The following MIIP variants were observed in gnomAD, a reference collection of about 807,000 sequenced individuals.
The protein encoded by MIIP is migration and invasion-inhibitory protein.
Under a neutral mutation model 44.8 loss-of-function variants are expected in MIIP, and 44 were observed. The ratio of observed to expected loss-of-function variants is 0.98; its 90% CI spans 0.77 to 1.26. The LOEUF is 1.26. Among genes scored for constraint, MIIP ranks in the 50% most tolerant of loss-of-function variants. The pLI is 0.00. For missense variants in MIIP, 496 were observed against 511.7 expected, an observed-to-expected ratio of 0.97 and a Z score of 0.30; for synonymous variants, 225 against 218.3, an observed-to-expected ratio of 1.03 and a Z score of -0.27.
chr1:12,021,517 T>G, intron 1 of MIIP, 128 bp from the exon 2 acceptor site: 1 of 572,940 alleles, frequency 1.7e-6, no homozygotes. Context: ...GTCCAGCAGA[T>G]GAGGAAACTG....
intron 8 of MIIP, 161 bp from the exon 9 acceptor site, chr1:12,031,105 A>C (rs985193282): frequency 1.2e-5 from 10 of 833,286 alleles, no homozygotes; most frequent in African/African-American, 1.7e-5. Flanking sequence ...TGCCAGGATA[A>C]GAAAGGGGAG....
rs774187172 is a variant in MIIP at position 12,030,024 on chromosome 1, G to T, written c.846-4G>T. The T allele has an allele frequency of 1.2e-6, 2 of 1,613,308 alleles. No individual in the cohort carries two copies. The highest frequency in any genetic ancestry group is 1.7e-6 in the Non-Finnish European group (2 of 1,179,772). Reference sequence around the variant, plus strand: ...CAGGGGTCCCCCACTGCCCCCCTGCGCAGGGTGAGCATCCCGCTGTCGATC... The same window carrying T: ...CAGGGGTCCCCCACTGCCCCCCTGCTCAGGGTGAGCATCCCGCTGTCGATC... On this transcript the variant is annotated splice_region_variant and splice_polypyrimidine_tract_variant and intron_variant, in intron 7 of 9. Coordinates refer to ENST00000235332, the MANE Select transcript of MIIP (RefSeq NM_021933.4).
rs1444257764 is a variant in MIIP, at chr1:12,021,799, C to T, written c.73C>T (p.Gln25Ter). The T allele has an allele frequency of 6.2e-7, 1 of 1,612,474 alleles. No individual in the cohort carries two copies. The highest frequency in any genetic ancestry group is 8.5e-7 in the Non-Finnish European group (1 of 1,179,910). The change falls in exon 2 of 10, where the codon CAG becomes TAG. Residue 25 changes from glutamine (Q) to a stop codon, truncating the protein, a stop_gained. Transcript: ENST00000235332. LOFTEE classifies it high-confidence loss of function. ...LELLRQLWVGQDAVRRSVARA... is the reference protein window; with the variant it reads ...LELLRQLWVG ...GCTCCTGAGGCAGCTGTGGGTGGGGCAGGATGCTGTGCGGCGGTCAGTGGC... is the reference window on the plus strand; with the variant it reads ...GCTCCTGAGGCAGCTGTGGGTGGGGTAGGATGCTGTGCGGCGGTCAGTGGC...
At chr1:12,021,900 C>G (rs1397420441) in intron 2 of MIIP, 60 bp downstream of exon 2, 58 of 1,422,340 alleles carry the variant, frequency 4.1e-5, no homozygotes, top group Non-Finnish European at 5.5e-5. Context: ...GGCCAGCATC[C>G]AGGCTTCTGG....
intron 4 of MIIP, among the ~76,000 whole-genome samples, chr1:12,026,824 C>T (rs1281594744): frequency 6.6e-6 from 1 of 152,190 alleles, no homozygotes; most frequent in African/African-American, 2.4e-5. Context: ...TTACCAGCAG[C>T]TCACATCCAG....
chr1:12,023,032 C>G (rs886268351), intron 4 of MIIP, 115 bp downstream of exon 4: 1 of 730,684 alleles, frequency 1.4e-6, no homozygotes, highest in Non-Finnish European at 2.3e-6. Context: ...TTTCTCTGAC[C>G]GTGCCATCCT....
At chr1:12,020,979 C>G (rs1639961406) in intron 1 of MIIP, among the ~76,000 whole-genome samples, 1 of 152,138 alleles carries the variant, frequency 6.6e-6, no homozygotes, top group Non-Finnish European at 1.5e-5. Flanking sequence ...AGCCACTTGG[C>G]CTGTTTTTTG....
chr1:12,023,059 C>CTTTT (rs869060053), intron 4 of MIIP, 142 bp downstream of exon 4: 146 of 353,008 alleles, frequency 4.1e-4, no homozygotes, highest in African/African-American at 5.2e-4. Flanking sequence ...GGAGCACCCT[C>CTTTT]TTTTTTTTTT....
At chr1:12,027,149 C>T (rs1464837386) in intron 4 of MIIP, among the ~76,000 whole-genome samples, 6 of 152,014 alleles carry the variant, frequency 3.9e-5, no homozygotes, top group African/African-American at 1.4e-4. Context: ...GCTGGGATTA[C>T]AGGCATGCAC....
chr1:12,031,430 G>A, intron 9 of MIIP, 27 bp downstream of exon 9: 1 of 1,605,848 alleles, frequency 6.2e-7, no homozygotes, highest in Admixed American at 1.7e-5. Context: ...ATCCTAGCCT[G>A]GGGTGCCCCC....
At chr1:12,031,150 G>C in intron 8 of MIIP, 116 bp from the exon 9 acceptor site, 1 of 1,295,442 alleles carries the variant, frequency 7.7e-7, no homozygotes, top group Non-Finnish European at 1.1e-6. Flanking sequence ...CACAGGCCCT[G>C]CCTTGGTGGG....
chr1:12,027,006 C>CTTT (rs752323245), intron 4 of MIIP, among the ~76,000 whole-genome samples: 17 of 129,504 alleles, frequency 1.3e-4, no homozygotes, highest in South Asian at 4.8e-4. Flanking sequence ...TTTTCTTTTT[C>CTTT]TTTTTTTTTT....
chr1:12,019,861 G>A (rs1271046623), intron 1 of MIIP, among the ~76,000 whole-genome samples: 2 of 152,266 alleles, frequency 1.3e-5, no homozygotes, highest in Non-Finnish European at 2.9e-5. Context: ...TCTGACTATA[G>A]GGGTGTGGCC....
At chr1:12,030,294 T>C (rs992186096) in intron 8 of MIIP, among the ~76,000 whole-genome samples, 170 bp downstream of exon 8, 23 of 151,962 alleles carry the variant, frequency 1.5e-4, no homozygotes, top group African/African-American at 5.6e-4. Flanking sequence ...CTAAGGGAGG[T>C]AGGACCCCCG....
intron 2 of MIIP, 84 bp from the exon 3 acceptor site, chr1:12,022,011 A>T: frequency 2.1e-6 from 3 of 1,456,628 alleles, no homozygotes; most frequent in Non-Finnish European, 2.8e-6. Context: ...GAGCAGGATG[A>T]GGATGCTTGC....
At position 12,029,291 on chromosome 1, in the gene MIIP, G is replaced by A. The variant is rs1015039797; in HGVS notation, c.715+10G>A. ...GAGGAAGACCATGAATGTGAGTGCG[G>A]GCCCTCGGCTAGGCCGCTGAGTAGT... On this transcript the variant is annotated intron_variant, in intron 6 of 9. Coordinates refer to ENST00000235332, the MANE Select transcript of MIIP (RefSeq NM_021933.4). 3.7e-6 allele frequency: 6 copies of A among 1,612,146 alleles called. No individual in the cohort carries two copies. In the Admixed American group the frequency reaches 6.7e-5, roughly 18 times the overall value.
At chr1:12,022,978 T>TCCTCCATGCTCCTGTCTGAG (rs1640016490) in intron 4 of MIIP, 61 bp downstream of exon 4, 1 of 1,319,002 alleles carries the variant, frequency 7.6e-7, no homozygotes, top group Non-Finnish European at 1.1e-6. Context: ...AGGCCTGGGA[T>TCCTCCATGCTCCTGTCTGAG]CCTCCATGCT....
chr1:12,024,870 C>T (rs753835793), intron 4 of MIIP, among the ~76,000 whole-genome samples: 1 of 152,210 alleles, frequency 6.6e-6, no homozygotes, highest in African/African-American at 2.4e-5. Flanking sequence ...CAGCCCTGGA[C>T]AGTCACCATT....
In MIIP at chr1:12,022,234, G is replaced by A. The variant is rs376077057; in HGVS notation, c.254G>A (p.Arg85His). The A allele has an allele frequency of 2.3e-5, 37 of 1,613,182 alleles. No homozygotes were observed. The highest frequency in any genetic ancestry group is 2.8e-5 in the Non-Finnish European group (33 of 1,179,682). Residue 85 changes from arginine to histidine, a missense_variant, in exon 3 of 10, where the codon CGT (arginine) becomes CAT (histidine). By Grantham distance (29) the Arg-to-His change is conservative (BLOSUM62 0). Coordinates refer to ENST00000235332, the MANE Select transcript of MIIP (RefSeq NM_021933.4). ...CCAGATGCCTGTCGAGGGGACCTCC[G>A]TGATGTGGCCAGATCGGGGGTGGCC... ...GPPDACRGDL[R>H]DVARSGVASL... is the part of the protein sequence containing the mutation.
Sources: gnomAD v4.1 joint callset for allele counts (sites outside exome capture counted in the v4.1 genomes callset) on GRCh38, gnomAD v4.1.1 for gene constraint, MANE v1.5 for transcripts, NCBI Gene and HGNC (gene_info 2026-07-23, HGNC 2026-07-21) for gene names.